Variants in COL24A1 observed in about 807,000 individuals in gnomAD.
COL24A1 encodes the protein collagen alpha-1(XXIV) chain.
A neutral mutation model predicts 253.9 loss-of-function variants in COL24A1; 224 were observed. The ratio of observed to expected loss-of-function variants is 0.88; its 90% CI spans 0.79 to 0.99. The LOEUF (loss-of-function observed/expected upper bound fraction) is 0.99, where lower values mean the gene tolerates loss of function less well. Ranked by LOEUF, COL24A1 falls within the 50% of genes least tolerant of loss-of-function variation. The pLI, the probability that COL24A1 is intolerant of heterozygous loss-of-function variation, is 0.00. For missense variants in COL24A1, 2,131 were observed against 2,068.5 expected (o/e 1.03, Z -0.59); for synonymous variants, 685 against 673.7 (o/e 1.02, Z -0.26).
chr1:86,125,298 A>G lies in COL24A1; in HGVS notation c.1038T>C (p.Asn346=). 2 of 1,613,582 alleles carry G rather than the reference A, an allele frequency of 1.2e-6. No homozygotes were observed. Among genetic ancestry groups the G allele is most frequent in the Non-Finnish European group, 8.5e-7 (1 of 1,179,782 alleles). The change falls in exon 3 of 60, where the codon AAT becomes AAC. Residue 346 remains asparagine, a synonymous_variant. Coordinates refer to ENST00000370571, the MANE Select transcript of COL24A1 (RefSeq NM_152890.7). ...GATGAGTGGTCACTGACAGGCTGAA[A>G]TTTGTCTGAGTATCTTCCTCAGTGA... The part of the protein sequence containing the change: ...EMITEEDTQT[N]FSLSVTTHRI...
At chr1:85,872,848 T>A (rs1362118787) in intron 35 of COL24A1, among the ~76,000 whole-genome samples, 1 of 152,092 alleles carries the variant, frequency 6.6e-6, no homozygotes, top group Non-Finnish European at 1.5e-5. Flanking sequence ...GGGATCTAAT[T>A]AAACTAAAGA....
intron 37 of COL24A1, among the ~76,000 whole-genome samples, chr1:85,864,242 C>A (rs1306290844): frequency 6.6e-6 from 1 of 152,124 alleles, no homozygotes; most frequent in Non-Finnish European, 1.5e-5. Flanking sequence ...GAGTTCATGT[C>A]CTTTGTTGAG....
intron 2 of COL24A1, among the ~76,000 whole-genome samples, chr1:86,138,780 C>G (rs80180180): frequency 0.044 from 6,717 of 152,216 alleles, 504 homozygotes; most frequent in African/African-American, 0.15. Context: ...TATCTGCTCA[C>G]TTCACAGCAT....
intron 19 of COL24A1, among the ~76,000 whole-genome samples, chr1:85,998,719 T>A (rs550000939): frequency 6.6e-6 from 1 of 152,326 alleles, no homozygotes; most frequent in East Asian, 1.9e-4. Flanking sequence ...GATAACGAGA[T>A]AATATCTCTC....
At chr1:85,997,055 G>GTATATATATATATATATATA (rs59071699) in intron 19 of COL24A1, among the ~76,000 whole-genome samples, 85 of 94,778 alleles carry the variant, frequency 9.0e-4, no homozygotes, top group South Asian at 1.3e-3. Context: ...GTGTGTGTGT[G>GTATATATATATATATATATA]TATATATATA....
intron 42 of COL24A1, among the ~76,000 whole-genome samples, chr1:85,839,846 C>A (rs191728079): frequency 5.1e-4 from 77 of 152,198 alleles, no homozygotes; most frequent in Admixed American, 5.2e-4. Flanking sequence ...CTGAATATTT[C>A]TAATAGAAAA....
At chr1:85,775,764 T>C (rs1668479217) in intron 52 of COL24A1, 55 bp from the exon 53 acceptor site, 1 of 1,422,020 alleles carries the variant, frequency 7.0e-7, no homozygotes. Flanking sequence ...ACGTATTAAA[T>C]GTAGCTGAGG....
chr1:85,847,587 G>A, intron 39 of COL24A1, 78 bp downstream of exon 39: 1 of 957,136 alleles, frequency 1.0e-6, no homozygotes. Context: ...GCTAATCAAG[G>A]GATGAAACTT....
chr1:86,122,520 C>T (rs1647526496), intron 3 of COL24A1, among the ~76,000 whole-genome samples: 1 of 152,130 alleles, frequency 6.6e-6, no homozygotes, highest in East Asian at 1.9e-4. Flanking sequence ...TTCAACTCTT[C>T]TAACAGCTTA....
chr1:86,022,860 T>C lies in COL24A1; in HGVS notation c.2121A>G (p.Lys707=). The change falls in exon 16 of 60, where the codon AAA becomes AAG. Residue 707 remains lysine, a synonymous_variant. Transcript: ENST00000370571. ...TATCACCTTTGATTCCAGGTAGTCC[T>C]TTATTCCCTGAAAGGCCCTACAAAA... ...IPGPMGLSGN[K]GLPGIKGDKG... 6.2e-7 allele frequency: 1 copy of C among 1,601,944 alleles called. No individual in the cohort carries two copies.
In COL24A1 at chr1:85,733,568, G is replaced by A. The variant is rs147028122; in HGVS notation, c.4998+1181C>T. On this transcript the variant is annotated intron_variant, in intron 59 of 59. Coordinates refer to ENST00000370571, the MANE Select transcript of COL24A1 (RefSeq NM_152890.7). ...GTTTTAAAATTATAGATTTTTCATA[G>A]TAACTGTCATTTAATTTTTTTTTTT... is the stretch of plus-strand genomic sequence containing the variant. Among the ~76,000 whole-genome samples, 534 of 151,820 alleles carry A rather than the reference G, an allele frequency of 3.5e-3. 3 individuals are homozygous for A. Among genetic ancestry groups the A allele is most frequent in the African/African-American group, 0.012 (496 of 41,458 alleles).
In COL24A1 at chr1:85,929,841, C is replaced by T. The variant is rs370798537; in HGVS notation, c.2563-18408G>A. Among the ~76,000 whole-genome samples, 8 of 150,818 alleles carry T rather than the reference C, an allele frequency of 5.3e-5. No homozygotes were observed. The South Asian group carries it at 1.7e-3, about 32-fold the overall frequency. Reference sequence around the variant, plus strand: ...CCTGTACCTGAATGACTACTGGGTACATAACGAAATGAAGGCAGAAATAAA... The same window carrying T: ...CCTGTACCTGAATGACTACTGGGTATATAACGAAATGAAGGCAGAAATAAA... On this transcript the variant is annotated intron_variant, in intron 24 of 59. Transcript: ENST00000370571.
At chr1:85,822,798 C>A (rs901891625) in intron 45 of COL24A1, among the ~76,000 whole-genome samples, 1 of 152,150 alleles carries the variant, frequency 6.6e-6, no homozygotes, top group African/African-American at 2.4e-5. Context: ...GATATCTGAT[C>A]ACCCTTGATA....
At position 86,060,827 on chromosome 1, in the gene COL24A1, T is replaced by G. The variant is rs532708405; in HGVS notation, c.1753-1653A>C. Among the ~76,000 whole-genome samples, 9 of 152,118 alleles carry G rather than the reference T, an allele frequency of 5.9e-5. No homozygotes were observed. In the East Asian group the frequency reaches 1.7e-3, roughly 29 times the overall value. On this transcript the variant is annotated intron_variant, in intron 8 of 59. Transcript: ENST00000370571. ...AATTCTTGTCTATATGTAGAGAGAT[T>G]ATATCCTATGAATTTCAGAAACCAT...
chr1:86,008,901 A>AAAT (rs546555865), intron 19 of COL24A1, among the ~76,000 whole-genome samples: 1 of 107,774 alleles, frequency 9.3e-6, no homozygotes, highest in East Asian at 2.2e-4. Context: ...AACAACAAAA[A>AAAT]AATAAAATGC....
At chr1:85,846,252 A>G (rs1440386055) in intron 39 of COL24A1, among the ~76,000 whole-genome samples, 2 of 151,896 alleles carry the variant, frequency 1.3e-5, no homozygotes, top group Non-Finnish European at 2.9e-5. Context: ...AAACCTCCAT[A>G]CATCTTAAAG....
At chr1:85,902,762 T>TG (rs1214771870) in intron 28 of COL24A1, among the ~76,000 whole-genome samples, 4 of 152,080 alleles carry the variant, frequency 2.6e-5, no homozygotes, top group African/African-American at 9.7e-5. Context: ...GAAGGGTGTA[T>TG]GGATGGGAGA....
intron 22 of COL24A1, among the ~76,000 whole-genome samples, chr1:85,969,331 A>C (rs1286300627): frequency 1.3e-5 from 2 of 152,098 alleles, no homozygotes; most frequent in African/African-American, 4.8e-5. Context: ...TTGGCCAGGC[A>C]TGGTGGCTCA....
intron 24 of COL24A1, among the ~76,000 whole-genome samples, chr1:85,916,245 C>CTCT (rs1253263971): frequency 3.3e-5 from 5 of 152,116 alleles, no homozygotes; most frequent in Admixed American, 3.3e-4. Flanking sequence ...TCCCTATTGT[C>CTCT]TCTTATACAT....
Sources: allele counts gnomAD v4.1 joint callset (sites outside exome capture counted in the v4.1 genomes callset), GRCh38; gene constraint gnomAD v4.1.1; transcripts MANE v1.5; gene names NCBI Gene and HGNC (gene_info 2026-07-23, HGNC 2026-07-21).